FLNC: variants seen among roughly 807,000 people sequenced by gnomAD.
FLNC encodes filamin-C.
FLNC carries 91 observed loss-of-function variants against 254.3 expected under a neutral mutation model. The ratio of observed to expected loss-of-function variants is 0.36; its 90% CI spans 0.30 to 0.43. The LOEUF is 0.43. FLNC is among the 20% of genes least tolerant of loss of function. The pLI, the probability that FLNC is intolerant of heterozygous loss-of-function variation, is 1.00. For synonymous variants in FLNC, 1,430 were observed against 1,577.2 expected (o/e 0.91, Z 2.21); for missense variants, 2,853 against 3,802.6 (o/e 0.75, Z 6.57).
chr7:128,834,315 C>A (rs898232328), intron 1 of FLNC, among the ~76,000 whole-genome samples: 11 of 150,232 alleles, frequency 7.3e-5, no homozygotes, highest in Non-Finnish European at 4.4e-5. Flanking sequence ...CTAGGCGCCC[C>A]CCCCCCCCAA....
intron 22 of FLNC, 55 bp from the exon 23 acceptor site, chr7:128,846,246 G>A: frequency 1.9e-6 from 3 of 1,591,498 alleles, no homozygotes; most frequent in Admixed American, 3.4e-5. Context: ...CTCGGGGCAG[G>A]AGGGGTGGTG....
chr7:128,853,580 C>G lies in FLNC; in HGVS notation c.6320C>G (p.Thr2107Ser), dbSNP rs1165880970. The G allele has an allele frequency of 1.2e-6, 2 of 1,614,166 alleles. No individual in the cohort carries two copies. Among genetic ancestry groups the G allele is most frequent in the Non-Finnish European group, 1.7e-6 (2 of 1,180,042 alleles). ...ACCTACTGCCCCACCGAGCCCGGCACCTACATCATCAACATCAAGTTTGCT... is the reference window on the plus strand; with the variant it reads ...ACCTACTGCCCCACCGAGCCCGGCAGCTACATCATCAACATCAAGTTTGCT... The part of the protein sequence containing the change: ...KVTYCPTEPG[T>S]YIINIKFADK... The change falls in exon 38 of 48, where the codon ACC (threonine) becomes AGC (serine). Residue 2107 changes from threonine to serine, a missense_variant. Physicochemically the swap from Thr to Ser is moderately conservative, Grantham distance 58. Coordinates refer to ENST00000325888, the MANE Select transcript of FLNC (RefSeq NM_001458.5).
intron 7 of FLNC, 34 bp from the exon 8 acceptor site, chr7:128,838,569 C>T (rs1808200406): frequency 1.9e-6 from 3 of 1,611,680 alleles, no homozygotes; most frequent in African/African-American, 1.3e-5. Context: ...CTGTGTGTGT[C>T]CAGAGTGGTG....
chr7:128,845,754 T>G, intron 21 of FLNC, among the ~76,000 whole-genome samples: 1 of 140,136 alleles, frequency 7.1e-6, no homozygotes, highest in African/African-American at 2.7e-5. Context: ...GAGAAGGGAG[T>G]GAAGGCAGAG....
chr7:128,834,799 C>T lies in FLNC; in HGVS notation c.353-527C>T, dbSNP rs140986074. Among the ~76,000 whole-genome samples, 18 of 152,156 alleles carry T rather than the reference C, an allele frequency of 1.2e-4. No individual in the cohort carries two copies. The East Asian group carries it at 3.5e-3, about 29-fold the overall frequency. On this transcript the variant is annotated intron_variant, in intron 1 of 47. Transcript: ENST00000325888. ...GTTGCTTGGGATGGAGGGACAAGGA[C>T]GGCAGGAGGGAGGGCTCACAAAGGG...
At chr7:128,855,750 C>A (rs962885888) in intron 43 of FLNC, among the ~76,000 whole-genome samples, 1 of 152,214 alleles carries the variant, frequency 6.6e-6, no homozygotes. Context: ...CTCTTCAGGC[C>A]GCTGGGGGCC....
intron 21 of FLNC, among the ~76,000 whole-genome samples, chr7:128,845,605 G>C (rs907580937): frequency 6.6e-6 from 1 of 152,162 alleles, no homozygotes; most frequent in Non-Finnish European, 1.5e-5. Flanking sequence ...AGGATGACAA[G>C]AGTCAGAAGA....
chr7:128,845,865 T>G lies in FLNC; in HGVS notation c.3791-125T>G, dbSNP rs967424759. 972 of 587,154 alleles carry G rather than the reference T, an allele frequency of 1.7e-3. 1 individual carries two copies. The highest frequency in any genetic ancestry group is 6.9e-3 in the African/African-American group (112 of 16,250). The allele number at this position is 587,154 out of a possible 1,614,324, so 36.4% of individuals were successfully genotyped here. A position where few individuals can be genotyped will look rare whatever the true frequency, so the allele number is the denominator to read the frequency against. ...GTGGGAGAGGAGGGGGAGAGGAGGG[T>G]GAGAGGAGGGGAAGAGGAGGGGAAG... On this transcript the variant is annotated intron_variant, in intron 21 of 47. Coordinates refer to ENST00000325888, the MANE Select transcript of FLNC (RefSeq NM_001458.5).
Position 128,835,624 on chromosome 7 carries a change from A to C in FLNC, c.601+50A>C. The stretch of plus-strand genomic sequence containing the variant: ...TGGAGCCCTTAGCTCCCAAAGACAG[A>C]GGGGACAAGCTGGGGCTGCCAAGGC... On this transcript the variant is annotated intron_variant, in intron 2 of 47. Coordinates refer to ENST00000325888, the MANE Select transcript of FLNC (RefSeq NM_001458.5). The surrounding 1 kb of genome is among the most constrained non-coding windows in gnomAD (Gnocchi z 5.3). The C allele has an allele frequency of 6.3e-7, 1 of 1,598,446 alleles. No individual in the cohort carries two copies. Among genetic ancestry groups the C allele is most frequent in the Non-Finnish European group, 8.5e-7 (1 of 1,171,374 alleles).
chr7:128,843,179 C>G (rs377548360), intron 16 of FLNC, 50 bp from the exon 17 acceptor site: 3 of 1,502,850 alleles, frequency 2.0e-6, no homozygotes, highest in Non-Finnish European at 2.7e-6. Context: ...TAGCTGAGAG[C>G]AGGGGTGTGT....
At chr7:128,834,301 G>A (rs1488091073) in intron 1 of FLNC, among the ~76,000 whole-genome samples, 2 of 147,098 alleles carry the variant, frequency 1.4e-5, no homozygotes, top group African/African-American at 5.3e-5. Context: ...TTGTTAAGGG[G>A]GATCTAGGCG....
At chr7:128,846,605 CAGATTGGCCCCTGT>C (rs1808579739) in intron 23 of FLNC, 126 bp from the exon 24 acceptor site, 1 of 1,356,082 alleles carries the variant, frequency 7.4e-7, no homozygotes, top group African/African-American at 1.4e-5. Flanking sequence ...TCCAGGACCC[CAGATTGGCCCCTGT>C]AGCTCGTTTC....
Position 128,836,156 on chromosome 7 carries a change from C to G in FLNC, c.601+582C>G, listed in dbSNP as rs1163722895. On this transcript the variant is annotated intron_variant, in intron 2 of 47. Coordinates refer to ENST00000325888, the MANE Select transcript of FLNC (RefSeq NM_001458.5). The surrounding 1 kb of genome is among the most constrained non-coding windows in gnomAD (Gnocchi z 6.0). ...TTCTCCGTGTAGGTCCTGGCCTGGTCAAGTGGGGACAGCTCAGGGGCCATG... is the reference window on the plus strand; with the variant it reads ...TTCTCCGTGTAGGTCCTGGCCTGGTGAAGTGGGGACAGCTCAGGGGCCATG... 1.3e-5 allele frequency among the ~76,000 whole-genome samples: 2 copies of G among 152,132 alleles called. No individual in the cohort carries two copies. The highest frequency in any genetic ancestry group is 3.9e-4 in the East Asian group (2 of 5,192).
chr7:128,842,248 C>G lies in FLNC; in HGVS notation c.2139C>G (p.Pro713=), dbSNP rs746825094. The change falls in exon 14 of 48, where the codon CCC becomes CCG. Residue 713 remains proline (P), a synonymous_variant. Coordinates refer to ENST00000325888, the MANE Select transcript of FLNC (RefSeq NM_001458.5). The surrounding 1 kb of genome is among the most constrained non-coding windows in gnomAD (Gnocchi z 5.4). ...GCCCACAGGACGCCGACGGCTGTCC[C>G]ATCGACATCAAGGTGATCCCCAACG... ...KLYAQDADGC[P]IDIKVIPNGD... 1.9e-5 allele frequency: 30 copies of G among 1,613,634 alleles called. No homozygotes were observed. Among genetic ancestry groups the G allele is most frequent in the Middle Eastern group, 3.3e-4 (2 of 6,084 alleles).
chr7:128,838,080 C>G lies in FLNC; in HGVS notation c.1047+16C>G, dbSNP rs961893897. On this transcript the variant is annotated intron_variant, in intron 6 of 47. Coordinates refer to ENST00000325888, the MANE Select transcript of FLNC (RefSeq NM_001458.5). ...GTTACACAAGGTATCTCCCTCTAGG[C>G]CCCCCTGCCTGCGCTGCTCTTCACA... 13 of 1,601,286 alleles carry G rather than the reference C, an allele frequency of 8.1e-6. No homozygotes were observed. Among genetic ancestry groups the G allele is most frequent in the South Asian group, 1.1e-5 (1 of 90,804 alleles).
rs1361676006 is a variant in FLNC at position 128,843,261 on chromosome 7, G to A, written c.2583G>A (p.Val861=). The A allele has an allele frequency of 1.2e-6, 2 of 1,609,860 alleles. No individual in the cohort carries two copies. Among genetic ancestry groups the A allele is most frequent in the East Asian group, 2.2e-5 (1 of 44,708 alleles). Residue 861 remains valine, a synonymous_variant, in exon 17 of 48, where the codon GTG becomes GTA. Coordinates refer to ENST00000325888, the MANE Select transcript of FLNC (RefSeq NM_001458.5). The part of the protein sequence containing the change: ...EIPASPFHIK[V]DPSHDASKVK... ...CCGCCAGCCCCTTCCACATCAAGGT[G>A]GACCCATCCCACGATGCCAGCAAAG...
chr7:128,850,850 G>T lies in FLNC; in HGVS notation c.5446G>T (p.Asp1816Tyr), dbSNP rs1198641168. 1.2e-6 allele frequency: 2 copies of T among 1,613,704 alleles called. No individual in the cohort carries two copies. Among genetic ancestry groups the T allele is most frequent in the Non-Finnish European group, 1.7e-6 (2 of 1,179,990 alleles). ...SGKTARPNIT[D>Y]NKDGTITVRY... ...GAAGACGGCACGGCCCAACATCACC[G>T]ACAACAAGGACGGCACCATCACGGT... Residue 1816 changes from aspartate (D) to tyrosine (Y), a missense_variant, in exon 33 of 48, where the codon GAC becomes TAC. Physicochemically the swap from Asp to Tyr is radical, Grantham distance 160 (BLOSUM62 -3). This residue lies in a region of FLNC where 258 missense variants were observed against 312.3 expected (regional missense o/e 0.83). Transcript: ENST00000325888.
chr7:128,844,170 G>T lies in FLNC; in HGVS notation c.3096G>T (p.Glu1032Asp). 6.2e-7 allele frequency: 1 copy of T among 1,613,900 alleles called. No individual in the cohort carries two copies. The highest frequency in any genetic ancestry group is 1.1e-5 in the South Asian group (1 of 91,072). Residue 1032 changes from glutamate (E) to aspartate (D), a missense_variant, in exon 20 of 48, where the codon GAG becomes GAT. Around this residue, in one of 10 missense-constraint regions of FLNC, gnomAD observed 1,573 missense variants for 1,883.5 expected, o/e 0.84. Transcript: ENST00000325888. ...AGGCTGTGCGCTACATGCCCCCGGA[G>T]GAGGGGCCCTACAAGGTGGATATCA... ...EAQAVRYMPP[E>D]EGPYKVDITY...
At chr7:128,837,910 G>A in intron 5 of FLNC, 77 bp from the exon 6 acceptor site, 2 of 1,426,020 alleles carry the variant, frequency 1.4e-6, no homozygotes, top group Non-Finnish European at 9.9e-7. Context: ...GAGTGGGGCT[G>A]GGGTGCATAA....
Sources: allele counts gnomAD v4.1 joint callset (sites outside exome capture counted in the v4.1 genomes callset), GRCh38; gene constraint gnomAD v4.1.1; regional missense constraint gnomAD v4.1.1; non-coding constraint Gnocchi (gnomAD v3.1); transcripts MANE v1.5; gene names NCBI Gene and HGNC (gene_info 2026-07-23, HGNC 2026-07-21).